CSMD1: variants seen among roughly 807,000 people sequenced by gnomAD.
The protein encoded by CSMD1 is CUB and Sushi multiple domains 1, also known as CUB and sushi domain-containing protein 1.
CSMD1 carries 213 observed loss-of-function variants against 417.5 expected under a neutral mutation model. That is an observed-to-expected ratio of 0.51 (90% CI 0.46 to 0.57). The LOEUF (loss-of-function observed/expected upper bound fraction) is 0.57, where lower values mean the gene tolerates loss of function less well. Among genes scored for constraint, CSMD1 ranks in the 20% least tolerant of loss-of-function variants. CSMD1 has a pLI of 0.00. For synonymous variants in CSMD1, 2,862 were observed against 1,736.8 expected (o/e 1.65, Z -16.11); for missense variants, 6,923 against 4,529.7 (o/e 1.53, Z -15.17).
At chr8:4,816,496 G>A (rs1309115309) in intron 1 of CSMD1, among the ~76,000 whole-genome samples, 1 of 152,054 alleles carries the variant, frequency 6.6e-6, no homozygotes, top group Non-Finnish European at 1.5e-5. Context: ...CCAAAATGTT[G>A]GGATTACAGG....
At chr8:4,713,625 C>T (rs1363866785) in intron 1 of CSMD1, among the ~76,000 whole-genome samples, 1 of 151,982 alleles carries the variant, frequency 6.6e-6, no homozygotes, top group Non-Finnish European at 1.5e-5. Flanking sequence ...AAAGTTCTCA[C>T]ATAACAATAT....
At chr8:3,486,896 C>T (rs1462240763) in intron 11 of CSMD1, among the ~76,000 whole-genome samples, 1 of 152,166 alleles carries the variant, frequency 6.6e-6, no homozygotes, top group Non-Finnish European at 1.5e-5. Flanking sequence ...CACAGGGTGT[C>T]CAGAGAGATC....
At chr8:4,653,565 G>A (rs983997345) in intron 1 of CSMD1, among the ~76,000 whole-genome samples, 2 of 151,982 alleles carry the variant, frequency 1.3e-5, no homozygotes, top group Non-Finnish European at 2.9e-5. Flanking sequence ...TTTCAAAATG[G>A]AAAGTTTTGT....
At chr8:4,584,423 C>T (rs1290098660) in intron 2 of CSMD1, among the ~76,000 whole-genome samples, 7 of 152,046 alleles carry the variant, frequency 4.6e-5, no homozygotes, top group Admixed American at 6.5e-5. Context: ...GGCTAAATAC[C>T]GGGCACCTGT....
At chr8:4,966,039 C>G (rs1399423690) in intron 1 of CSMD1, among the ~76,000 whole-genome samples, 1 of 151,822 alleles carries the variant, frequency 6.6e-6, no homozygotes, top group Non-Finnish European at 1.5e-5. Context: ...GTATTTTTAG[C>G]TGAACAATGA....
chr8:4,890,955 T>C (rs1585272942), intron 1 of CSMD1, among the ~76,000 whole-genome samples: 2 of 151,978 alleles, frequency 1.3e-5, no homozygotes, highest in Admixed American at 1.3e-4. Flanking sequence ...CAAGGGAAAG[T>C]ATTGGTGGTG....
intron 5 of CSMD1, among the ~76,000 whole-genome samples, chr8:3,892,068 C>T (rs1807012871): frequency 6.6e-6 from 1 of 152,084 alleles, no homozygotes; most frequent in African/African-American, 2.4e-5. Flanking sequence ...GGGTAAGGTT[C>T]ATTGTGTGTG....
intron 1 of CSMD1, among the ~76,000 whole-genome samples, chr8:4,688,718 G>C (rs1056027624): frequency 6.6e-6 from 1 of 152,088 alleles, no homozygotes; most frequent in Non-Finnish European, 1.5e-5. Flanking sequence ...CTCCACAAAT[G>C]TCATCTCATT....
intron 5 of CSMD1, among the ~76,000 whole-genome samples, chr8:3,957,978 C>A (rs147004295): frequency 1.3e-5 from 2 of 152,176 alleles, no homozygotes; most frequent in Admixed American, 1.3e-4. Flanking sequence ...TTTTTACTTT[C>A]TTTTTGCTTG....
At chr8:3,147,161 T>A (rs1818895341) in intron 40 of CSMD1, among the ~76,000 whole-genome samples, 1 of 152,182 alleles carries the variant, frequency 6.6e-6, no homozygotes, top group African/African-American at 2.4e-5. Flanking sequence ...ATACTAGAGA[T>A]ACAATCTGAA....
chr8:4,759,674 C>T (rs371004766), intron 1 of CSMD1, among the ~76,000 whole-genome samples: 10 of 152,088 alleles, frequency 6.6e-5, no homozygotes, highest in East Asian at 5.8e-4. Context: ...GTTTGGTTTT[C>T]GGTTGCTGCA....
intron 10 of CSMD1, among the ~76,000 whole-genome samples, chr8:3,568,532 C>T (rs970222931): frequency 2.6e-5 from 4 of 152,040 alleles, no homozygotes; most frequent in Non-Finnish European, 4.4e-5. Flanking sequence ...GCACAAGAAG[C>T]TCAAATTAGA....
chr8:4,544,022 C>T (rs986665463), intron 2 of CSMD1, among the ~76,000 whole-genome samples: 7 of 152,268 alleles, frequency 4.6e-5, no homozygotes, highest in Non-Finnish European at 7.4e-5. Flanking sequence ...TTTTCGGACA[C>T]AGGCCCTTTA....
intron 12 of CSMD1, among the ~76,000 whole-genome samples, chr8:3,449,770 G>C (rs1029084748): frequency 1.3e-5 from 2 of 152,094 alleles, no homozygotes; most frequent in Admixed American, 1.3e-4. Flanking sequence ...CTCCCACCTT[G>C]GCCTCCCAAA....
chr8:3,353,409 G>T (rs1808543105), intron 21 of CSMD1, among the ~76,000 whole-genome samples: 1 of 152,130 alleles, frequency 6.6e-6, no homozygotes, highest in African/African-American at 2.4e-5. Context: ...CCACCAAATA[G>T]CTCGCATATC....
At chr8:3,365,432 C>T (rs985662727) in intron 20 of CSMD1, among the ~76,000 whole-genome samples, 7 of 152,188 alleles carry the variant, frequency 4.6e-5, no homozygotes, top group Non-Finnish European at 1.0e-4. Flanking sequence ...TCAACATGCA[C>T]TAGTTAGTAG....
At chr8:4,772,636 T>C (rs1329624263) in intron 1 of CSMD1, among the ~76,000 whole-genome samples, 1 of 152,180 alleles carries the variant, frequency 6.6e-6, no homozygotes, top group Non-Finnish European at 1.5e-5. Flanking sequence ...AAGAAAAATG[T>C]AAAGATGTGG....
chr8:3,200,264 G>A lies in CSMD1; in HGVS notation c.5099-455C>T, dbSNP rs117794261. Among the ~76,000 whole-genome samples the A allele has an allele frequency of 2.9e-3, 436 of 152,052 alleles. 9 individuals are homozygous for A. The East Asian group carries it at 0.072, about 25-fold the overall frequency. On this transcript the variant is annotated intron_variant, in intron 32 of 69. Transcript: ENST00000635120. ...TGAAGTATATTTTTAACCTTTAAAA[G>A]CACATATAGGCCAGGTGAGGTGGCT... is the stretch of plus-strand genomic sequence containing the variant.
chr8:3,027,535 G>A (rs568090964), intron 51 of CSMD1, among the ~76,000 whole-genome samples: 2 of 152,318 alleles, frequency 1.3e-5, no homozygotes, highest in African/African-American at 4.8e-5. Context: ...GATTTCAGCT[G>A]GAATCCAGTG....
Sources: allele counts gnomAD v4.1 joint callset (sites outside exome capture counted in the v4.1 genomes callset), GRCh38; gene constraint gnomAD v4.1.1; transcripts MANE v1.5; gene names NCBI Gene and HGNC (gene_info 2026-07-23, HGNC 2026-07-21).